The following WWOX variants were observed in gnomAD, a reference collection of about 807,000 sequenced individuals.
The protein encoded by WWOX is WW domain-containing oxidoreductase.
WWOX carries 69 observed loss-of-function variants against 46.2 expected under a neutral mutation model. That is an observed-to-expected ratio of 1.49 (90% CI 1.23 to 1.82). WWOX has a LOEUF of 1.82. Among genes scored for constraint, WWOX ranks in the 40% most tolerant of loss-of-function variants. WWOX has a pLI of 0.00. For synonymous variants in WWOX, 359 were observed against 202.6 expected (o/e 1.77, Z -6.56); for missense variants, 919 against 542.6 (o/e 1.69, Z -6.89).
Position 78,517,372 on chromosome 16 carries a change from A to G in WWOX, c.1056+84620A>G, listed in dbSNP as rs568881549. ...CTATATTTTGACATTTGAAGCATCCACAGAAAAGTAATAGAATGAGCAATT... is the reference window on the plus strand; with the variant it reads ...CTATATTTTGACATTTGAAGCATCCGCAGAAAAGTAATAGAATGAGCAATT... On this transcript the variant is annotated intron_variant, in intron 8 of 8. Transcript: ENST00000566780. Among the ~76,000 whole-genome samples the G allele has an allele frequency of 2.2e-4, 29 of 133,834 alleles. No individual in the cohort carries two copies. The South Asian group carries it at 6.6e-3, about 30-fold the overall frequency. 87.8% of individuals were successfully genotyped at this position (133,834 alleles called of 152,430 possible). A position where few individuals can be genotyped will look rare whatever the true frequency, so the allele number is the denominator to read the frequency against.
chr16:79,143,947 C>G (rs1286180993), intron 8 of WWOX, among the ~76,000 whole-genome samples: 1 of 152,138 alleles, frequency 6.6e-6, no homozygotes, highest in Non-Finnish European at 1.5e-5. Context: ...CTATGTTACC[C>G]TGGGTGGAGT....
chr16:78,537,080 C>G (rs191407505), intron 8 of WWOX, among the ~76,000 whole-genome samples: 1 of 151,962 alleles, frequency 6.6e-6, no homozygotes, highest in East Asian at 1.9e-4. Context: ...CCACACTCAG[C>G]TAATATTTGT....
chr16:78,523,243 TAAATA>T (rs1192109167), intron 8 of WWOX, among the ~76,000 whole-genome samples: 4 of 152,222 alleles, frequency 2.6e-5, no homozygotes, highest in Non-Finnish European at 5.9e-5. Context: ...CCAAAGGACC[TAAATA>T]AAATATTAAT....
At chr16:78,630,083 T>G (rs1001941216) in intron 8 of WWOX, among the ~76,000 whole-genome samples, 2 of 152,170 alleles carry the variant, frequency 1.3e-5, no homozygotes, top group Non-Finnish European at 2.9e-5. Flanking sequence ...TTAGTCTATT[T>G]CATTGAAAAT....
chr16:78,248,844 A>C (rs1001837984), intron 5 of WWOX, among the ~76,000 whole-genome samples: 7 of 151,742 alleles, frequency 4.6e-5, no homozygotes, highest in African/African-American at 1.7e-4. Flanking sequence ...CCCTCTGAGG[A>C]AGTACTTATG....
At chr16:78,596,880 A>T (rs986374962) in intron 8 of WWOX, among the ~76,000 whole-genome samples, 2 of 152,152 alleles carry the variant, frequency 1.3e-5, no homozygotes, top group Non-Finnish European at 2.9e-5. Flanking sequence ...TCACACACAC[A>T]CAATCAGCCA....
intron 6 of WWOX, among the ~76,000 whole-genome samples, chr16:78,407,148 A>C (rs747787439): frequency 4.6e-5 from 7 of 152,138 alleles, no homozygotes; most frequent in Non-Finnish European, 7.4e-5. Context: ...CAGGGGTCAA[A>C]CTTAGAATTC....
At chr16:78,901,316 G>C (rs1175766791) in intron 8 of WWOX, among the ~76,000 whole-genome samples, 1 of 152,218 alleles carries the variant, frequency 6.6e-6, no homozygotes, top group Non-Finnish European at 1.5e-5. Flanking sequence ...ACTATGTCAT[G>C]AAAGCTTTAG....
chr16:79,081,443 C>G (rs2048758777), intron 8 of WWOX, among the ~76,000 whole-genome samples: 1 of 152,192 alleles, frequency 6.6e-6, no homozygotes, highest in Non-Finnish European at 1.5e-5. Flanking sequence ...GGATTACAGG[C>G]ATGAGCCTAA....
chr16:78,940,000 A>G (rs1280247289), intron 8 of WWOX, among the ~76,000 whole-genome samples: 2 of 152,220 alleles, frequency 1.3e-5, no homozygotes, highest in Admixed American at 6.5e-5. Flanking sequence ...TTTTAAATCT[A>G]TTTTTATATG....
chr16:79,001,287 C>T (rs868748684), intron 8 of WWOX, among the ~76,000 whole-genome samples: 9 of 152,072 alleles, frequency 5.9e-5, no homozygotes, highest in African/African-American at 2.2e-4. Flanking sequence ...CCCCTAAATC[C>T]AGCACACAAT....
At position 78,486,509 on chromosome 16, in the gene WWOX, C is replaced by T. The variant is rs142789964; in HGVS notation, c.1056+53757C>T. On this transcript the variant is annotated intron_variant, in intron 8 of 8. Coordinates refer to ENST00000566780, the MANE Select transcript of WWOX (RefSeq NM_016373.4). Reference sequence around the variant, plus strand: ...TAGTTTAGCAGTGTGCTCTCTTAAGCCAGTCGGACCTGGTTGTTGTACACT... The same window carrying T: ...TAGTTTAGCAGTGTGCTCTCTTAAGTCAGTCGGACCTGGTTGTTGTACACT... Among the ~76,000 whole-genome samples the T allele has an allele frequency of 8.7e-3, 1,321 of 152,132 alleles. 13 individuals carry two copies. The highest frequency in any genetic ancestry group is 0.016 in the Non-Finnish European group (1,063 of 68,016).
At chr16:79,054,686 G>T (rs751036362) in intron 8 of WWOX, among the ~76,000 whole-genome samples, 2 of 152,048 alleles carry the variant, frequency 1.3e-5, no homozygotes, top group East Asian at 3.9e-4. Context: ...TTAGCCAGGC[G>T]TGGTGTCGTG....
intron 8 of WWOX, chr16:78,535,305 C>G (rs1472453193): frequency 1.3e-5 from 2 of 152,206 alleles, no homozygotes; most frequent in East Asian, 1.9e-4. Context: ...TGGAAACGCC[C>G]TCTGTCTGAG....
At chr16:78,737,344 C>G (rs1405262391) in intron 8 of WWOX, among the ~76,000 whole-genome samples, 2 of 150,234 alleles carry the variant, frequency 1.3e-5, no homozygotes, top group African/African-American at 2.5e-5. Flanking sequence ...TCATGTTGAT[C>G]AGGCTGGTCT....
rs770386740 is a variant in WWOX at position 78,815,327 on chromosome 16, G to GA, written c.1056+382590dup. ...CTGAGAGAATGAAACTCTGTCTCGA[G>GA]AAAAAAAAAAAAAAAGAAGGTTTCA... is the stretch of plus-strand genomic sequence containing the variant. On this transcript the variant is annotated intron_variant, in intron 8 of 8. Transcript: ENST00000566780. 9.2e-3 allele frequency among the ~76,000 whole-genome samples: 1,135 copies of GA among 123,650 alleles called. 8 individuals carry two copies. Among genetic ancestry groups the GA allele is most frequent in the Middle Eastern group, 0.014 (3 of 220 alleles). The allele number at this position is 123,650 out of a possible 152,430, so 81.1% of individuals were successfully genotyped here.
intron 8 of WWOX, among the ~76,000 whole-genome samples, chr16:78,576,232 T>G (rs1357436741): frequency 1.3e-5 from 2 of 152,172 alleles, no homozygotes; most frequent in African/African-American, 4.8e-5. Flanking sequence ...TAGGCTTCCT[T>G]CCAGTTCTTC....
At chr16:78,750,587 C>G (rs574514323) in intron 8 of WWOX, among the ~76,000 whole-genome samples, 1 of 152,184 alleles carries the variant, frequency 6.6e-6, no homozygotes, top group East Asian at 1.9e-4. Flanking sequence ...ACCCATCACC[C>G]AAATTAGTAA....
intron 8 of WWOX, among the ~76,000 whole-genome samples, chr16:78,625,550 T>C (rs1278035941): frequency 1.3e-5 from 2 of 152,124 alleles, no homozygotes; most frequent in Non-Finnish European, 2.9e-5. Context: ...TAACAGCCAG[T>C]TTATCCTATT....
Sources: gnomAD v4.1 joint callset for allele counts (sites outside exome capture counted in the v4.1 genomes callset) on GRCh38, gnomAD v4.1.1 for gene constraint, MANE v1.5 for transcripts, NCBI Gene and HGNC (gene_info 2026-07-23, HGNC 2026-07-21) for gene names.